Variants in SLC26A7 observed in about 807,000 individuals in gnomAD.
SLC26A7 encodes anion exchange transporter.
In SLC26A7, 59 loss-of-function variants were observed where a neutral mutation model predicts 82.5. That is an observed-to-expected ratio of 0.72 (90% CI 0.58 to 0.89). The LOEUF is 0.89. SLC26A7 is among the 40% of genes least tolerant of loss of function. The pLI is 0.00. For synonymous variants in SLC26A7, 271 were observed against 274.3 expected (o/e 0.99, Z 0.12); for missense variants, 820 against 793.0 (o/e 1.03, Z -0.41).
intron 2 of SLC26A7, among the ~76,000 whole-genome samples, chr8:91,261,708 A>C (rs1810970668): frequency 6.6e-6 from 1 of 152,084 alleles, no homozygotes; most frequent in African/African-American, 2.4e-5. Context: ...ATCTCAAGGG[A>C]ACTGTACACA....
At chr8:91,316,451 ATTTTTTTTT>A (rs58981485) in intron 4 of SLC26A7, among the ~76,000 whole-genome samples, 4 of 34,420 alleles carry the variant, frequency 1.2e-4, no homozygotes, top group African/African-American at 3.3e-4. Flanking sequence ...CTCAACACTA[ATTTTTTTTT>A]TTTTTTTTTT....
At position 91,249,728 on chromosome 8, in the gene SLC26A7, A is replaced by G; in HGVS notation, c.77A>G (p.Gln26Arg). The G allele has an allele frequency of 6.2e-7, 1 of 1,611,762 alleles. No homozygotes were observed. The highest frequency in any genetic ancestry group is 8.5e-7 in the Non-Finnish European group (1 of 1,178,824). ...MHTPQCEDII[Q>R]WCRRRLPILD... ...ACCCCCCAGTGTGAAGACATTATACAGTGGTGTAGAAGGCGACTGCCCATT... is the reference window on the plus strand; with the variant it reads ...ACCCCCCAGTGTGAAGACATTATACGGTGGTGTAGAAGGCGACTGCCCATT... Residue 26 changes from glutamine to arginine, a missense_variant, in exon 2 of 19, where the codon CAG (glutamine) becomes CGG (arginine). Coordinates refer to ENST00000276609, the MANE Select transcript of SLC26A7 (RefSeq NM_052832.4).
At chr8:91,394,332 C>T in intron 18 of SLC26A7, 1 of 1,607,234 alleles carries the variant, frequency 6.2e-7, no homozygotes, top group Non-Finnish European at 8.5e-7. Context: ...AATGCTTCTT[C>T]CAGGATCTAC....
intron 5 of SLC26A7, among the ~76,000 whole-genome samples, chr8:91,327,198 CTTGTTTTTTGT>C (rs1470006036): frequency 1.6e-4 from 24 of 151,924 alleles, no homozygotes; most frequent in Non-Finnish European, 7.4e-5. Flanking sequence ...TATGTTTTTG[CTTGTTTTTTGT>C]TTGTTTGTTG....
intron 2 of SLC26A7, among the ~76,000 whole-genome samples, chr8:91,271,654 G>A (rs890902947): frequency 6.7e-5 from 10 of 149,746 alleles, no homozygotes; most frequent in Non-Finnish European, 1.5e-5. Context: ...GAATGCAGTG[G>A]CGTGATCTTG....
chr8:91,328,300 T>C (rs1218879138), intron 5 of SLC26A7, among the ~76,000 whole-genome samples: 1 of 152,104 alleles, frequency 6.6e-6, no homozygotes, highest in Non-Finnish European at 1.5e-5. Flanking sequence ...CTTCACTAAA[T>C]ACTAAACTTT....
chr8:91,285,198 G>A (rs557915962), intron 2 of SLC26A7, among the ~76,000 whole-genome samples: 9 of 152,366 alleles, frequency 5.9e-5, no homozygotes, highest in East Asian at 3.9e-4. Context: ...ATGTTCACAC[G>A]CCTTCATTTT....
chr8:91,289,847 TCTTAC>T (rs1169440921), intron 3 of SLC26A7, among the ~76,000 whole-genome samples: 2 of 152,220 alleles, frequency 1.3e-5, no homozygotes, highest in African/African-American at 4.8e-5. Context: ...TTGGTGTAAC[TCTTAC>T]CTTACCTACC....
chr8:91,237,094 C>A (rs576003498), intron 2 of SLC26A7, among the ~76,000 whole-genome samples: 1 of 152,200 alleles, frequency 6.6e-6, no homozygotes, highest in African/African-American at 2.4e-5. Context: ...CCTGGTAACA[C>A]AGCAAGCTGG....
rs1164560795 is a variant in SLC26A7 at position 91,249,726 on chromosome 8, A to G, written c.75A>G (p.Ile25Met). Residue 25 changes from isoleucine to methionine, a missense_variant, in exon 2 of 19, where the codon ATA becomes ATG. Coordinates refer to ENST00000276609, the MANE Select transcript of SLC26A7 (RefSeq NM_052832.4). ...ATACCCCCCAGTGTGAAGACATTATACAGTGGTGTAGAAGGCGACTGCCCA... is the reference window on the plus strand; with the variant it reads ...ATACCCCCCAGTGTGAAGACATTATGCAGTGGTGTAGAAGGCGACTGCCCA... ...KMHTPQCEDI[I>M]QWCRRRLPIL... The G allele has an allele frequency of 6.2e-7, 1 of 1,611,152 alleles. No individual in the cohort carries two copies. The highest frequency in any genetic ancestry group is 1.1e-5 in the South Asian group (1 of 90,660).
In SLC26A7 at chr8:91,366,650, A is replaced by G; in HGVS notation, c.1559A>G (p.Tyr520Cys). 6.2e-7 allele frequency: 1 copy of G among 1,613,766 alleles called. No individual in the cohort carries two copies. Among genetic ancestry groups the G allele is most frequent in the South Asian group, 1.1e-5 (1 of 91,026 alleles). The change falls in exon 14 of 19, where the codon TAT becomes TGT. Residue 520 changes from tyrosine (Y) to cysteine (C), a missense_variant. Tyr to Cys is a radical substitution (Grantham distance 194, BLOSUM62 -2). Coordinates refer to ENST00000276609, the MANE Select transcript of SLC26A7 (RefSeq NM_052832.4). ...PLVFLNAKKFYTDLMNMIQKE... is the reference protein window; with the variant it reads ...PLVFLNAKKFCTDLMNMIQKE... ...GTTTTCCTGAATGCAAAAAAATTTT[A>G]TACTGATTTAATGAACATGATCCAA...
chr8:91,297,616 A>T (rs1017695967), intron 4 of SLC26A7, among the ~76,000 whole-genome samples: 10 of 151,964 alleles, frequency 6.6e-5, no homozygotes, highest in African/African-American at 2.4e-4. Context: ...TGGATATGTG[A>T]CTTACGTTTT....
At chr8:91,340,191 G>A (rs1156650611) in intron 7 of SLC26A7, among the ~76,000 whole-genome samples, 1 of 152,158 alleles carries the variant, frequency 6.6e-6, no homozygotes, top group Non-Finnish European at 1.5e-5. Context: ...TAAATGCATG[G>A]AGCTGTCCCT....
chr8:91,212,515 T>G (rs1311060437), intron 1 of SLC26A7, among the ~76,000 whole-genome samples: 1 of 152,158 alleles, frequency 6.6e-6, no homozygotes. Context: ...TGAAAATAAA[T>G]GAAAATTTGT....
intron 4 of SLC26A7, among the ~76,000 whole-genome samples, chr8:91,306,732 CAG>C (rs534994195): frequency 1.3e-5 from 2 of 149,454 alleles, no homozygotes; most frequent in East Asian, 3.9e-4. Context: ...TTTTTTGAGA[CAG>C]AGTCTCACTC....
At chr8:91,369,661 T>C in intron 14 of SLC26A7, 124 bp from the exon 15 acceptor site, 1 of 639,334 alleles carries the variant, frequency 1.6e-6, no homozygotes, top group Admixed American at 3.6e-5. Flanking sequence ...AGAATGCTAG[T>C]GAAAAACAAT....
At chr8:91,366,060 A>G (rs1392087770) in intron 13 of SLC26A7, among the ~76,000 whole-genome samples, 4 of 152,186 alleles carry the variant, frequency 2.6e-5, no homozygotes, top group African/African-American at 7.2e-5. Flanking sequence ...CCAAAGTGAA[A>G]TTATATTCCT....
chr8:91,229,922 T>C (rs995003586), intron 2 of SLC26A7, among the ~76,000 whole-genome samples: 1 of 152,188 alleles, frequency 6.6e-6, no homozygotes, highest in Non-Finnish European at 1.5e-5. Flanking sequence ...AAATTCAAAA[T>C]TAATCTGGCA....
intron 15 of SLC26A7, among the ~76,000 whole-genome samples, chr8:91,385,910 TA>T (rs893819812): frequency 2.0e-5 from 3 of 152,180 alleles, no homozygotes; most frequent in Non-Finnish European, 2.9e-5. Context: ...TCTAGTCAAT[TA>T]AATGCAGTTA....
Sources: gnomAD v4.1 joint callset for allele counts (sites outside exome capture counted in the v4.1 genomes callset) on GRCh38, gnomAD v4.1.1 for gene constraint, MANE v1.5 for transcripts, NCBI Gene and HGNC (gene_info 2026-07-23, HGNC 2026-07-21) for gene names.